Variants in CELF4 observed in about 807,000 individuals in gnomAD.
CELF4 encodes the protein CUG-BP- and ETR-3-like factor 4.
Under a neutral mutation model 59.9 loss-of-function variants are expected in CELF4, and 18 were observed. That is an observed-to-expected ratio of 0.30 (90% confidence interval 0.21 to 0.45). CELF4 has a LOEUF of 0.45. Ranked by LOEUF, CELF4 falls within the 20% of genes least tolerant of loss-of-function variation. The probability of loss-of-function intolerance (pLI) is 1.00; values close to 1 mark genes in which losing one functional copy is unlikely to be tolerated. For missense variants in CELF4, 456 were observed against 689.0 expected, an observed-to-expected ratio of 0.66 and a Z score of 3.79; for synonymous variants, 261 against 267.1, an observed-to-expected ratio of 0.98 and a Z score of 0.22.
intron 2 of CELF4, among the ~76,000 whole-genome samples, chr18:37,370,214 G>T (rs186679529): frequency 8.4e-4 from 128 of 152,252 alleles, no homozygotes; most frequent in Middle Eastern, 3.4e-3. Flanking sequence ...TGCCTCCTGA[G>T]GGACTAGTTG....
intron 2 of CELF4, among the ~76,000 whole-genome samples, chr18:37,395,843 T>C (rs982542371): frequency 1.3e-5 from 2 of 152,116 alleles, no homozygotes; most frequent in South Asian, 2.1e-4. Context: ...GGCACTCAGC[T>C]CCCCATGGTG....
chr18:37,512,106 C>T (rs1000305416), intron 1 of CELF4, among the ~76,000 whole-genome samples: 10 of 152,186 alleles, frequency 6.6e-5, no homozygotes, highest in Admixed American at 3.9e-4. Context: ...TGCTGTCCTT[C>T]GCTGGGCTGG....
At chr18:37,335,118 G>A (rs2097719052) in intron 2 of CELF4, among the ~76,000 whole-genome samples, 1 of 150,030 alleles carries the variant, frequency 6.7e-6, no homozygotes, top group Admixed American at 6.7e-5. Flanking sequence ...AATTAACACA[G>A]CTCTCCAGCT....
intron 1 of CELF4, among the ~76,000 whole-genome samples, chr18:37,506,169 T>C (rs1430366950): frequency 1.3e-5 from 2 of 152,076 alleles, no homozygotes; most frequent in African/African-American, 4.8e-5. Context: ...CCTTCGTGTC[T>C]TGAAGCCCGC....
At chr18:37,517,767 G>A (rs2099952450) in intron 1 of CELF4, among the ~76,000 whole-genome samples, 1 of 152,140 alleles carries the variant, frequency 6.6e-6, no homozygotes, top group Non-Finnish European at 1.5e-5. Context: ...TCTGGTTGGG[G>A]CGTGCACCTC....
chr18:37,282,787 G>C (rs1316971592), intron 3 of CELF4, among the ~76,000 whole-genome samples: 2 of 152,170 alleles, frequency 1.3e-5, no homozygotes, highest in Non-Finnish European at 2.9e-5. Context: ...CCAAGAGCCA[G>C]TTCCTTCACC....
chr18:37,556,116 GA>G (rs1393925299), intron 1 of CELF4, among the ~76,000 whole-genome samples: 1 of 152,146 alleles, frequency 6.6e-6, no homozygotes, highest in East Asian at 1.9e-4. Flanking sequence ...TCTTGTCTCC[GA>G]GGACTTGCGC....
chr18:37,481,629 T>C (rs895258599), intron 2 of CELF4, among the ~76,000 whole-genome samples: 1 of 152,214 alleles, frequency 6.6e-6, no homozygotes, highest in Non-Finnish European at 1.5e-5. Flanking sequence ...TCTCCTGCCC[T>C]GTGTGAGTCA....
At chr18:37,474,536 C>G (rs2099843280) in intron 2 of CELF4, among the ~76,000 whole-genome samples, 1 of 152,256 alleles carries the variant, frequency 6.6e-6, no homozygotes, top group South Asian at 2.1e-4. Flanking sequence ...AGCATGGGCT[C>G]TGGCGCCAGA....
At chr18:37,470,883 T>TGAGAGAGAGAGAGA (rs1569569556) in intron 2 of CELF4, among the ~76,000 whole-genome samples, 5 of 83,528 alleles carry the variant, frequency 6.0e-5, no homozygotes, top group Admixed American at 1.5e-4. Flanking sequence ...TGTGTGTGTG[T>TGAGAGAGAGAGAGA]GTGTGACAGA....
chr18:37,385,173 C>A (rs1450205721), intron 2 of CELF4, among the ~76,000 whole-genome samples: 1 of 151,686 alleles, frequency 6.6e-6, no homozygotes, highest in Non-Finnish European at 1.5e-5. Flanking sequence ...ATGGTGAAAC[C>A]CTATCTCTAC....
In CELF4 at chr18:37,362,281, G is replaced by T. The variant is rs890799643; in HGVS notation, c.370-40400C>A. ...TCTGAGGTTTGTTTGTTCCAGCCCC[G>T]CTCCTCCTCCTCCTCTTACCAAATG... On this transcript the variant is annotated intron_variant, in intron 2 of 12. Transcript: ENST00000420428. Among the ~76,000 whole-genome samples, 4 of 151,856 alleles carry T rather than the reference G, an allele frequency of 2.6e-5. No homozygotes were observed. In the East Asian group the frequency reaches 7.8e-4, roughly 29 times the overall value.
chr18:37,321,967 C>G (rs1028311759), intron 2 of CELF4, 86 bp from the exon 3 acceptor site: 5 of 1,063,690 alleles, frequency 4.7e-6, no homozygotes, highest in Admixed American at 2.1e-5. Flanking sequence ...CAGGTGAATG[C>G]GAGTATACAG....
Position 37,254,460 on chromosome 18 carries a change from C to A in CELF4, c.1334-522G>T, listed in dbSNP as rs2067844863. 6.6e-6 allele frequency among the ~76,000 whole-genome samples: 1 copy of A among 151,952 alleles called. No homozygotes were observed. Among genetic ancestry groups the A allele is most frequent in the African/African-American group, 2.4e-5 (1 of 41,410 alleles). ...CTTCTCCACCGCCGGCCCGGCCGCC[C>A]CCCTCGCCACCGCAGGTGCCCGGCT... On this transcript the variant is annotated intron_variant, in intron 11 of 12. Transcript: ENST00000420428. The surrounding 1 kb of genome is among the most constrained non-coding windows in gnomAD (Gnocchi z 5.1).
Position 37,362,549 on chromosome 18 carries a change from G to C in CELF4, c.370-40668C>G, listed in dbSNP as rs1302059064. 2.6e-5 allele frequency among the ~76,000 whole-genome samples: 4 copies of C among 152,104 alleles called. No individual in the cohort carries two copies. The East Asian group carries it at 7.7e-4, about 29-fold the overall frequency. On this transcript the variant is annotated intron_variant, in intron 2 of 12. Coordinates refer to ENST00000420428, the MANE Select transcript of CELF4 (RefSeq NM_020180.4). ...AGAGAGCACAGTGCAGACTCTGCCG[G>C]GCTGGGCACCCTTCTGCCAGGACAC...
chr18:37,377,648 G>T (rs900107731), intron 2 of CELF4, among the ~76,000 whole-genome samples: 2 of 152,236 alleles, frequency 1.3e-5, no homozygotes, highest in Admixed American at 1.3e-4. Context: ...CCAGGAGCTT[G>T]CGACTGGGCT....
At chr18:37,436,522 A>G (rs2099693124) in intron 2 of CELF4, among the ~76,000 whole-genome samples, 1 of 152,200 alleles carries the variant, frequency 6.6e-6, no homozygotes. Context: ...GGGGATCAAG[A>G]GCCAGGGCTG....
intron 2 of CELF4, among the ~76,000 whole-genome samples, chr18:37,390,802 C>CGG (rs1557404633): frequency 4.5e-4 from 26 of 57,820 alleles, no homozygotes; most frequent in Middle Eastern, 9.1e-3. Context: ...GGTGATGGGG[C>CGG]GGGGAGGGGG....
At chr18:37,465,144 C>T (rs574929875) in intron 2 of CELF4, among the ~76,000 whole-genome samples, 15 of 152,286 alleles carry the variant, frequency 9.8e-5, no homozygotes, top group African/African-American at 3.4e-4. Context: ...TAGGAAAGCT[C>T]TTTGCATGGA....
Sources: gnomAD v4.1 joint callset for allele counts (sites outside exome capture counted in the v4.1 genomes callset) on GRCh38, gnomAD v4.1.1 for gene constraint, Gnocchi (gnomAD v3.1) non-coding constraint, MANE v1.5 for transcripts, NCBI Gene and HGNC (gene_info 2026-07-23, HGNC 2026-07-21) for gene names.